Variants in SQOR observed in about 807,000 individuals in gnomAD.
The protein encoded by SQOR is sulfide quinone oxidoreductase, also known as sulfide:quinone oxidoreductase, mitochondrial.
Under a neutral mutation model 48.6 loss-of-function variants are expected in SQOR, and 39 were observed. That is an observed-to-expected ratio of 0.80 (90% confidence interval 0.62 to 1.05). The LOEUF is 1.05. SQOR is among the 50% of genes least tolerant of loss of function. SQOR has a pLI of 0.00. For synonymous variants in SQOR, 220 were observed against 206.2 expected, an observed-to-expected ratio of 1.07 and a Z score of -0.57; for missense variants, 561 against 559.9, an observed-to-expected ratio of 1.00 and a Z score of -0.02.
At chr15:45,655,716 C>T (rs1356313530) in intron 1 of SQOR, among the ~76,000 whole-genome samples, 1 of 148,682 alleles carries the variant, frequency 6.7e-6, no homozygotes, top group East Asian at 2.0e-4. Flanking sequence ...CAGAGTCTCA[C>T]TCTGTTGCCC....
At chr15:45,672,424 A>G (rs1889961215) in intron 4 of SQOR, among the ~76,000 whole-genome samples, 1 of 152,198 alleles carries the variant, frequency 6.6e-6, no homozygotes. Context: ...TCTAACTGTA[A>G]CAGGGGTGAA....
chr15:45,679,470 G>A (rs1239646781), intron 6 of SQOR, among the ~76,000 whole-genome samples: 3 of 152,178 alleles, frequency 2.0e-5, no homozygotes, highest in Non-Finnish European at 2.9e-5. Flanking sequence ...TTGGGAGGCC[G>A]AGGCGGGTGG....
chr15:45,663,473 G>T (rs369502847), intron 3 of SQOR, among the ~76,000 whole-genome samples: 10 of 152,138 alleles, frequency 6.6e-5, no homozygotes, highest in African/African-American at 2.2e-4. Flanking sequence ...CTGATCAAGA[G>T]TACCTGCTTT....
chr15:45,644,082 G>A (rs917039792), intron 1 of SQOR, among the ~76,000 whole-genome samples: 2 of 151,988 alleles, frequency 1.3e-5, no homozygotes, highest in Non-Finnish European at 1.5e-5. Context: ...TAGAGACGGC[G>A]TATTTTTTTT....
At chr15:45,661,476 G>A (rs577219815) in intron 2 of SQOR, among the ~76,000 whole-genome samples, 23 of 152,114 alleles carry the variant, frequency 1.5e-4, no homozygotes, top group South Asian at 2.1e-4. Context: ...ACTGGGCTTG[G>A]GAAACACAGT....
At chr15:45,690,081 C>T (rs62008313) in intron 9 of SQOR, among the ~76,000 whole-genome samples, 28,496 of 116,012 alleles carry the variant, frequency 0.25, 2,967 homozygotes, top group Middle Eastern at 0.4. Flanking sequence ...TCCTCTTCCT[C>T]CTTTTTTTTT....
chr15:45,645,983 AG>A (rs1252709503), intron 1 of SQOR: 1 of 152,238 alleles, frequency 6.6e-6, no homozygotes, highest in Non-Finnish European at 1.5e-5. Flanking sequence ...CGCAGAACAA[AG>A]GGTCCTGACT....
At position 45,659,029 on chromosome 15, in the gene SQOR, G is replaced by A. The variant is rs528515915; in HGVS notation, c.106G>A (p.Ala36Thr). Reference protein sequence around the residue: ...QVGPLQLHTGASHAARNHYEV... With the variant: ...QVGPLQLHTGTSHAARNHYEV... ...CGGCCCCCTTCAGCTGCACACCGGGGCCAGCCATGCGGCCAGGAACCATTA... is the reference window on the plus strand; with the variant it reads ...CGGCCCCCTTCAGCTGCACACCGGGACCAGCCATGCGGCCAGGAACCATTA... Residue 36 changes from alanine to threonine, a missense_variant, in exon 2 of 10, where the codon GCC (alanine) becomes ACC (threonine). Transcript: ENST00000260324. The A allele has an allele frequency of 2.3e-5, 37 of 1,601,636 alleles. No individual in the cohort carries two copies. In the African/African-American group the frequency reaches 2.4e-4, roughly 10 times the overall value.
At chr15:45,677,861 C>T (rs1046076372) in intron 6 of SQOR, among the ~76,000 whole-genome samples, 15 of 152,108 alleles carry the variant, frequency 9.9e-5, no homozygotes, top group Admixed American at 3.3e-4. Context: ...CCACCATGCC[C>T]GGCTAATTTT....
intron 3 of SQOR, 80 bp downstream of exon 3, chr15:45,662,205 G>GT: frequency 6.7e-7 from 1 of 1,493,832 alleles, no homozygotes; most frequent in Non-Finnish European, 9.2e-7. Context: ...GGATAGCCTT[G>GT]TGTTGAAAGA....
intron 6 of SQOR, among the ~76,000 whole-genome samples, chr15:45,681,895 TCCTTTTCCAAAGTGCTAGCTAA>T (rs1472377281): frequency 2.6e-5 from 4 of 152,210 alleles, no homozygotes; most frequent in African/African-American, 9.7e-5. Flanking sequence ...GACCCCTTGC[TCCTTTTCCAAAGTGCTAGCTAA>T]TATTTTTACC....
Position 45,651,969 on chromosome 15 carries a change from AC to A in SQOR, c.-17-6932del, listed in dbSNP as rs566209168. ...AGTGGCATGATCTCAGCTCACTGCA[AC>A]CCCCCGCCTCCTGGGTTCAAGCAAT... On this transcript the variant is annotated intron_variant, in intron 1 of 9. Transcript: ENST00000260324. 6.2e-3 allele frequency among the ~76,000 whole-genome samples: 924 copies of A among 150,242 alleles called. 11 individuals are homozygous for A. The highest frequency in any genetic ancestry group is 0.021 in the African/African-American group (870 of 40,822).
At chr15:45,669,582 G>A (rs1889900853) in intron 3 of SQOR, among the ~76,000 whole-genome samples, 1 of 152,182 alleles carries the variant, frequency 6.6e-6, no homozygotes, top group African/African-American at 2.4e-5. Context: ...CTCTCACTGT[G>A]TAAACACATA....
intron 5 of SQOR, among the ~76,000 whole-genome samples, chr15:45,674,710 C>T (rs1890005270): frequency 6.6e-6 from 1 of 152,230 alleles, no homozygotes; most frequent in Non-Finnish European, 1.5e-5. Context: ...GAGACTTTCT[C>T]AGCATTCTCC....
At chr15:45,651,190 C>T (rs1889479551) in intron 1 of SQOR, among the ~76,000 whole-genome samples, 2 of 152,220 alleles carry the variant, frequency 1.3e-5, no homozygotes, top group African/African-American at 4.8e-5. Context: ...AATTCAAGCG[C>T]AGCACCTGCG....
Position 45,673,750 on chromosome 15 carries a change from T to C in SQOR, c.603T>C (p.Cys201=). Residue 201 remains cysteine (C), a synonymous_variant, in exon 5 of 10, where the codon TGT becomes TGC. Transcript: ENST00000260324. ...IFTFPNTPVK[C]AGAPQKIMYL... ...CCTTCCCAAATACTCCAGTGAAGTG[T>C]GCTGGAGCCCCTCAGAAGATCATGT... The C allele has an allele frequency of 6.2e-7, 1 of 1,614,176 alleles. No individual in the cohort carries two copies. The highest frequency in any genetic ancestry group is 8.5e-7 in the Non-Finnish European group (1 of 1,180,018).
chr15:45,665,397 G>A (rs1163043193), intron 3 of SQOR, among the ~76,000 whole-genome samples: 4 of 151,990 alleles, frequency 2.6e-5, no homozygotes. Context: ...AACACATCTG[G>A]GTCTTTTGGA....
chr15:45,639,980 C>A (rs183173540), intron 1 of SQOR, among the ~76,000 whole-genome samples: 1 of 152,332 alleles, frequency 6.6e-6, no homozygotes, highest in Non-Finnish European at 1.5e-5. Flanking sequence ...TTACAATCTC[C>A]ATTTCCTCAC....
At chr15:45,651,065 C>T (rs1026504053) in intron 1 of SQOR, among the ~76,000 whole-genome samples, 5 of 152,126 alleles carry the variant, frequency 3.3e-5, no homozygotes, top group Non-Finnish European at 2.9e-5. Flanking sequence ...GAGCAGGGGG[C>T]GGCGCCCATC....
Sources: allele counts gnomAD v4.1 joint callset (sites outside exome capture counted in the v4.1 genomes callset), GRCh38; gene constraint gnomAD v4.1.1; transcripts MANE v1.5; gene names NCBI Gene and HGNC (gene_info 2026-07-23, HGNC 2026-07-21).